EPM2A: variants seen among roughly 807,000 people sequenced by gnomAD.
The protein encoded by EPM2A is laforin.
A neutral mutation model predicts 26.5 loss-of-function variants in EPM2A; 21 were observed. The observed-to-expected ratio is 0.79, with a 90% CI of 0.56 to 1.14. The LOEUF is 1.14. Among genes scored for constraint, EPM2A ranks in the 50% most tolerant of loss-of-function variants. The pLI is 0.00. For missense variants in EPM2A, 458 were observed against 440.8 expected (o/e 1.04, Z -0.35); for synonymous variants, 217 against 177.6 (o/e 1.22, Z -1.76).
intron 2 of EPM2A, among the ~76,000 whole-genome samples, chr6:145,574,981 C>T (rs960887062): frequency 6.6e-6 from 1 of 152,132 alleles, no homozygotes; most frequent in African/African-American, 2.4e-5. Context: ...CCTCATGGGT[C>T]ATGCTCTCAA....
At chr6:145,616,990 T>C (rs575773595) in intron 2 of EPM2A, among the ~76,000 whole-genome samples, 1 of 152,162 alleles carries the variant, frequency 6.6e-6, no homozygotes, top group Admixed American at 6.5e-5. Flanking sequence ...GTTGAGACTT[T>C]GGGTGACTGC....
intron 2 of EPM2A, among the ~76,000 whole-genome samples, chr6:145,612,306 C>A (rs943032885): frequency 6.6e-6 from 1 of 151,918 alleles, no homozygotes; most frequent in African/African-American, 2.4e-5. Flanking sequence ...TAAAATAAGA[C>A]AGATAAATGG....
At chr6:145,490,087 C>T (rs1779735495) in intron 4 of EPM2A, 4 of 1,282,480 alleles carry the variant, frequency 3.1e-6, no homozygotes, top group Non-Finnish European at 4.3e-6. Context: ...GTAGCACACG[C>T]ACCTTCCCAA....
intron 2 of EPM2A, among the ~76,000 whole-genome samples, chr6:145,534,329 T>C (rs385729): frequency 0.36 from 54,255 of 152,066 alleles, 10,185 homozygotes; most frequent in South Asian, 0.51. Flanking sequence ...GTATACATTA[T>C]TTTGAAACTT....
intron 2 of EPM2A, among the ~76,000 whole-genome samples, chr6:145,559,574 G>C (rs1046263411): frequency 9.3e-5 from 14 of 151,068 alleles, no homozygotes; most frequent in African/African-American, 3.4e-4. Context: ...CCCCAGAAAA[G>C]ATAAATTTTT....
chr6:145,526,446 T>C (rs927079568), intron 2 of EPM2A, among the ~76,000 whole-genome samples: 8 of 151,894 alleles, frequency 5.3e-5, no homozygotes, highest in Admixed American at 1.3e-4. Context: ...ATTTTTTTTA[T>C]TATTATTACT....
intron 2 of EPM2A, among the ~76,000 whole-genome samples, chr6:145,609,596 T>C (rs972407349): frequency 6.6e-6 from 1 of 152,162 alleles, no homozygotes; most frequent in Admixed American, 6.6e-5. Flanking sequence ...CCATGGCTCA[T>C]TCCATTTGAC....
At chr6:145,541,922 T>G (rs1028943702) in intron 2 of EPM2A, among the ~76,000 whole-genome samples, 1 of 152,122 alleles carries the variant, frequency 6.6e-6, no homozygotes, top group African/African-American at 2.4e-5. Context: ...TGGATAATTT[T>G]TCTTACCTTT....
At chr6:145,734,559 A>G (rs1776706817) in intron 1 of EPM2A, 1 of 152,212 alleles carries the variant, frequency 6.6e-6, no homozygotes, top group Non-Finnish European at 1.5e-5. Context: ...AAAAAAATCC[A>G]AAAAGGGAAA....
intron 4 of EPM2A, among the ~76,000 whole-genome samples, chr6:145,390,124 T>C (rs1481384445): frequency 6.6e-6 from 1 of 152,142 alleles, no homozygotes; most frequent in Non-Finnish European, 1.5e-5. Context: ...GTGCAAAATC[T>C]GTAGACAGAA....
intron 4 of EPM2A, among the ~76,000 whole-genome samples, chr6:145,451,782 T>A (rs1393740982): frequency 6.6e-6 from 1 of 152,192 alleles, no homozygotes; most frequent in Non-Finnish European, 1.5e-5. Context: ...TTCTAAATTA[T>A]TTTTTAATTT....
At chr6:145,445,176 T>C (rs1418712514) in intron 4 of EPM2A, among the ~76,000 whole-genome samples, 2 of 152,160 alleles carry the variant, frequency 1.3e-5, no homozygotes, top group Non-Finnish European at 2.9e-5. Context: ...GAACTTTCTC[T>C]AGTTTTTTTT....
intron 4 of EPM2A, among the ~76,000 whole-genome samples, chr6:145,439,896 C>T (rs1582756510): frequency 6.6e-6 from 1 of 152,112 alleles, no homozygotes; most frequent in African/African-American, 2.4e-5. Context: ...TTTGCCAGTT[C>T]CAATGTCCAA....
At chr6:145,479,297 A>ATATATATACATATATATGTG (rs1779583734) in intron 4 of EPM2A, among the ~76,000 whole-genome samples, 2 of 147,616 alleles carry the variant, frequency 1.4e-5, no homozygotes, top group Non-Finnish European at 3.0e-5. Flanking sequence ...ATTTAACTAT[A>ATATATATACATATATATGTG]TATATATACA....
At position 145,398,662 on chromosome 6, in the gene EPM2A, C is replaced by T. The variant is rs1003256012; in HGVS notation, c.556-14565G>A. On this transcript the variant is annotated intron_variant, in intron 4 of 4. Coordinates refer to the EPM2A transcript ENST00000638717. ...ATCACTTGAAGTCAGGAGTTCAAGA[C>T]CCGCCTCACCAACATGGCGAAACCC... Among the ~76,000 whole-genome samples the T allele has an allele frequency of 5.3e-5, 8 of 152,070 alleles. 1 individual carries two copies. The highest frequency in any genetic ancestry group is 6.6e-5 in the Admixed American group (1 of 15,258).
chr6:145,508,161 T>C lies in EPM2A; in HGVS notation c.341-5586A>G, dbSNP rs561560478. Among the ~76,000 whole-genome samples the C allele has an allele frequency of 3.9e-5, 6 of 152,324 alleles. No individual in the cohort carries two copies. In the East Asian group the frequency reaches 9.7e-4, roughly 25 times the overall value. On this transcript the variant is annotated intron_variant, in intron 2 of 3. Coordinates refer to the EPM2A transcript ENST00000450221. ...TCTCACCCCCAGCTTTCTTCTTCAG[T>C]GCACTGCTGTCGACATGACAAAAGG...
At chr6:145,628,120 C>T (rs911903859) in intron 3 of EPM2A, 1 of 221,390 alleles carries the variant, frequency 4.5e-6, no homozygotes, top group African/African-American at 2.3e-5. Context: ...AAAGTATCTT[C>T]CAGCTAAATG....
chr6:145,590,858 GA>G (rs750932860), intron 2 of EPM2A, among the ~76,000 whole-genome samples: 49 of 151,874 alleles, frequency 3.2e-4, no homozygotes, highest in African/African-American at 1.2e-3. Flanking sequence ...AGACAAATAA[GA>G]AAAAAACAGT....
intron 4 of EPM2A, among the ~76,000 whole-genome samples, chr6:145,489,259 T>C (rs550731706): frequency 3.3e-5 from 5 of 152,336 alleles, no homozygotes; most frequent in Admixed American, 2.0e-4. Flanking sequence ...TAAACTTGTA[T>C]TCTAATGATT....
Sources: allele counts gnomAD v4.1 joint callset (sites outside exome capture counted in the v4.1 genomes callset), GRCh38; gene constraint gnomAD v4.1.1; transcripts MANE v1.5; gene names NCBI Gene and HGNC (gene_info 2026-07-23, HGNC 2026-07-21).